CNTNAP2: variants seen among roughly 807,000 people sequenced by gnomAD.
CNTNAP2 encodes the protein contactin associated protein 2.
Under a neutral mutation model 155.2 loss-of-function variants are expected in CNTNAP2, and 98 were observed. The ratio of observed to expected loss-of-function variants is 0.63; its 90% CI spans 0.54 to 0.75. The LOEUF (loss-of-function observed/expected upper bound fraction) is 0.75. CNTNAP2 is among the 30% of genes least tolerant of loss of function. The pLI is 0.00. For missense variants in CNTNAP2, 1,727 were observed against 1,688.1 expected (o/e 1.02, Z -0.40); for synonymous variants, 651 against 631.2 (o/e 1.03, Z -0.47).
At chr7:147,101,682 A>G (rs1351139616) in intron 4 of CNTNAP2, among the ~76,000 whole-genome samples, 1 of 152,100 alleles carries the variant, frequency 6.6e-6, no homozygotes, top group African/African-American at 2.4e-5. Context: ...TGGGAAGATG[A>G]TCTTCCCCTG....
At chr7:146,218,126 C>T (rs1427597163) in intron 1 of CNTNAP2, among the ~76,000 whole-genome samples, 2 of 152,214 alleles carry the variant, frequency 1.3e-5, no homozygotes, top group Admixed American at 6.5e-5. Flanking sequence ...CCACTGCCCT[C>T]ATCCTGATCC....
intron 3 of CNTNAP2, among the ~76,000 whole-genome samples, chr7:146,907,725 G>C (rs985528663): frequency 6.7e-6 from 1 of 149,614 alleles, no homozygotes; most frequent in Non-Finnish European, 1.5e-5. Context: ...ATCGAGACTA[G>C]GAAGAAACTG....
intron 17 of CNTNAP2, among the ~76,000 whole-genome samples, chr7:148,162,916 C>G (rs1461674148): frequency 6.6e-6 from 1 of 152,214 alleles, no homozygotes; most frequent in Non-Finnish European, 1.5e-5. Context: ...AGGAGGATTG[C>G]TTGAGCTCAG....
chr7:147,478,598 C>T (rs568763488), intron 10 of CNTNAP2, among the ~76,000 whole-genome samples: 17 of 152,292 alleles, frequency 1.1e-4, no homozygotes, highest in African/African-American at 2.9e-4. Context: ...TCCTTTCATT[C>T]ACTGAATGAA....
At chr7:146,944,261 T>A (rs531235304) in intron 3 of CNTNAP2, among the ~76,000 whole-genome samples, 1 of 151,790 alleles carries the variant, frequency 6.6e-6, no homozygotes, top group South Asian at 2.1e-4. Context: ...CTCCAATCAT[T>A]TTTCAATACG....
At chr7:147,580,619 AT>A (rs5888275) in intron 12 of CNTNAP2, among the ~76,000 whole-genome samples, 90,821 of 142,194 alleles carry the variant, frequency 0.64, 28,670 homozygotes, top group East Asian at 0.71. Context: ...TTACATTATC[AT>A]TTTTTTTTTT....
chr7:146,862,795 A>G (rs1172897490), intron 3 of CNTNAP2, among the ~76,000 whole-genome samples: 5 of 152,208 alleles, frequency 3.3e-5, no homozygotes, highest in African/African-American at 1.2e-4. Context: ...CCAGACACAT[A>G]AACATCGCCC....
intron 1 of CNTNAP2, among the ~76,000 whole-genome samples, chr7:146,391,743 C>T (rs2129106698): frequency 6.7e-6 from 1 of 148,644 alleles, no homozygotes; most frequent in East Asian, 1.9e-4. Flanking sequence ...CTGCAAAGAA[C>T]ACGGTTTTTG....
At chr7:147,493,226 G>T (rs936380039) in intron 11 of CNTNAP2, among the ~76,000 whole-genome samples, 1 of 152,088 alleles carries the variant, frequency 6.6e-6, no homozygotes, top group African/African-American at 2.4e-5. Context: ...AAAAGATAAA[G>T]GTTTTTATTA....
At chr7:147,721,761 T>C (rs1013914251) in intron 13 of CNTNAP2, among the ~76,000 whole-genome samples, 1 of 152,104 alleles carries the variant, frequency 6.6e-6, no homozygotes, top group African/African-American at 2.4e-5. Flanking sequence ...TTAAAATAAA[T>C]GCTCATAGTG....
intron 15 of CNTNAP2, among the ~76,000 whole-genome samples, chr7:147,992,622 G>A (rs935151778): frequency 6.6e-6 from 1 of 152,184 alleles, no homozygotes; most frequent in Non-Finnish European, 1.5e-5. Flanking sequence ...TAAAGTAAAT[G>A]AATATCTTCA....
At chr7:146,706,918 A>T (rs1165885725) in intron 1 of CNTNAP2, among the ~76,000 whole-genome samples, 1 of 87,074 alleles carries the variant, frequency 1.1e-5, no homozygotes, top group South Asian at 2.8e-4. Flanking sequence ...CTTAAAAGTT[A>T]AAAAAAAAAA....
chr7:146,973,034 C>G (rs1183706544), intron 3 of CNTNAP2, among the ~76,000 whole-genome samples: 1 of 152,014 alleles, frequency 6.6e-6, no homozygotes, highest in African/African-American at 2.4e-5. Flanking sequence ...TCGTTTCTCT[C>G]TCTCTCTTTT....
intron 8 of CNTNAP2, among the ~76,000 whole-genome samples, chr7:147,263,300 G>T (rs1215280626): frequency 2.6e-5 from 4 of 152,054 alleles, no homozygotes; most frequent in African/African-American, 9.7e-5. Flanking sequence ...AGCAGAGGTT[G>T]CAGTGAGCTG....
intron 1 of CNTNAP2, among the ~76,000 whole-genome samples, chr7:146,317,177 T>C (rs1800921539): frequency 6.6e-6 from 1 of 152,210 alleles, no homozygotes; most frequent in Admixed American, 6.5e-5. Context: ...TCTTTATAAA[T>C]GCAATACATT....
intron 3 of CNTNAP2, among the ~76,000 whole-genome samples, chr7:146,995,378 A>C (rs1410186026): frequency 6.6e-6 from 1 of 152,082 alleles, no homozygotes; most frequent in Non-Finnish European, 1.5e-5. Flanking sequence ...ATCATGCGGT[A>C]GTTCAATATT....
chr7:146,982,351 C>A (rs976363550), intron 3 of CNTNAP2, among the ~76,000 whole-genome samples: 5 of 152,004 alleles, frequency 3.3e-5, no homozygotes, highest in Non-Finnish European at 5.9e-5. Flanking sequence ...AATTTTAACA[C>A]AAACATTAAC....
intron 1 of CNTNAP2, among the ~76,000 whole-genome samples, chr7:146,519,421 T>C (rs951738730): frequency 1.3e-5 from 2 of 151,792 alleles, no homozygotes; most frequent in African/African-American, 4.8e-5. Context: ...CATTTCAAAG[T>C]TTGAATTTTA....
intron 1 of CNTNAP2, among the ~76,000 whole-genome samples, chr7:146,362,043 C>A (rs1286128492): frequency 6.6e-6 from 1 of 152,082 alleles, no homozygotes; most frequent in Non-Finnish European, 1.5e-5. Flanking sequence ...TTACTCTCGC[C>A]TCCTCTTTAT....
Sources: allele counts gnomAD v4.1 joint callset (sites outside exome capture counted in the v4.1 genomes callset), GRCh38; gene constraint gnomAD v4.1.1; transcripts MANE v1.5; gene names NCBI Gene and HGNC (gene_info 2026-07-23, HGNC 2026-07-21).